FSIP2: variants seen among roughly 807,000 people sequenced by gnomAD.
FSIP2 encodes fibrous sheath-interacting protein 2.
In FSIP2, 367 loss-of-function variants were observed where a neutral mutation model predicts 510.5. The ratio of observed to expected loss-of-function variants is 0.72; its 90% CI spans 0.66 to 0.78. The LOEUF (loss-of-function observed/expected upper bound fraction) is 0.78, where lower values mean the gene tolerates loss of function less well. Ranked by LOEUF, FSIP2 falls within the 30% of genes least tolerant of loss-of-function variation. The probability of loss-of-function intolerance (pLI) is 0.00; values close to 1 mark genes in which losing one functional copy is unlikely to be tolerated. For synonymous variants in FSIP2, 2,601 were observed against 2,732.2 expected (o/e 0.95, Z 1.50); for missense variants, 7,594 against 7,901.7 (o/e 0.96, Z 1.48).
At chr2:185,750,201 A>G (rs1692114632) in intron 7 of FSIP2, among the ~76,000 whole-genome samples, 1 of 151,570 alleles carries the variant, frequency 6.6e-6, no homozygotes, top group Non-Finnish European at 1.5e-5. Flanking sequence ...CCATCTTCAG[A>G]TTTTTGAAAA....
rs370889666 is a variant in FSIP2, at chr2:185,777,625, T to G, written c.1412-5080T>G. On this transcript the variant is annotated intron_variant, in intron 13 of 22. Coordinates refer to ENST00000424728, the MANE Select transcript of FSIP2 (RefSeq NM_173651.4). The stretch of plus-strand genomic sequence containing the variant: ...TTCCTTATTAGTGGTGAATTTTGAC[T>G]TTTTAAAATATAATTTATGTATCTG... Among the ~76,000 whole-genome samples, 50 of 152,284 alleles carry G rather than the reference T, an allele frequency of 3.3e-4. 1 individual carries two copies. In the East Asian group the frequency reaches 9.1e-3, roughly 28 times the overall value.
chr2:185,815,396 A>C lies in FSIP2; in HGVS notation c.20351A>C (p.Glu6784Ala). 1 of 1,519,212 alleles carries C rather than the reference A, an allele frequency of 6.6e-7. No individual in the cohort carries two copies. The highest frequency in any genetic ancestry group is 9.0e-7 in the Non-Finnish European group (1 of 1,106,808). 94.1% of individuals were successfully genotyped at this position (1,519,212 alleles called of 1,614,324 possible). ...CKKEEKNLVT[E>A]PTHYFIHRIM... ...AAAGAAGAAAAGAATCTTGTTACTGAACCAACACATTACTTCATACACAGA... is the reference window on the plus strand; with the variant it reads ...AAAGAAGAAAAGAATCTTGTTACTGCACCAACACATTACTTCATACACAGA... Residue 6784 changes from glutamate (E) to alanine (A), a missense_variant, in exon 19 of 23, where the codon GAA becomes GCA. Transcript: ENST00000424728.
rs745597523 is a variant in FSIP2 at position 185,813,694 on chromosome 2, G to C, written c.19977G>C (p.Glu6659Asp). Residue 6659 changes from glutamate to aspartate, a missense_variant, in exon 18 of 23, where the codon GAG (glutamate) becomes GAC (aspartate). Coordinates refer to ENST00000424728, the MANE Select transcript of FSIP2 (RefSeq NM_173651.4). ...DQVYLENYIK[E>D]ERDSDEDEVV... is the part of the protein sequence containing the mutation. ...TGTATTTGGAAAATTACATAAAAGA[G>C]GAACGAGATTCTGATGAAGATGAAG... 1.2e-6 allele frequency: 2 copies of C among 1,609,878 alleles called. No individual in the cohort carries two copies. Among genetic ancestry groups the C allele is most frequent in the Middle Eastern group, 3.3e-4 (2 of 6,032 alleles).
intron 19 of FSIP2, among the ~76,000 whole-genome samples, chr2:185,823,946 T>A (rs1165595047): frequency 6.6e-6 from 1 of 151,796 alleles, no homozygotes; most frequent in Non-Finnish European, 1.5e-5. Context: ...ATGTATGAAC[T>A]TTGAAAGATG....
At chr2:185,785,183 A>C (rs1199659210) in intron 14 of FSIP2, among the ~76,000 whole-genome samples, 1 of 152,106 alleles carries the variant, frequency 6.6e-6, no homozygotes, top group Non-Finnish European at 1.5e-5. Flanking sequence ...ACCTGTGGAA[A>C]CTTGAGTTGA....
chr2:185,819,163 C>T (rs574894897), intron 19 of FSIP2, among the ~76,000 whole-genome samples: 44 of 151,752 alleles, frequency 2.9e-4, no homozygotes, highest in African/African-American at 1.1e-3. Context: ...TCACATAATC[C>T]TTGTAGTAAG....
Position 185,796,680 on chromosome 2 carries a change from C to G in FSIP2, c.9544C>G (p.Gln3182Glu). The change falls in exon 16 of 23, where the codon CAA becomes GAA. Residue 3182 changes from glutamine (Q) to glutamate (E), a missense_variant. Transcript: ENST00000424728. ...KEGSLGINPS[Q>E]VSKTGFVFCS... ...AGGTAGTTTGGGGATTAATCCTTCA[C>G]AAGTGAGTAAAACTGGGTTTGTGTT... 1.3e-6 allele frequency: 2 copies of G among 1,535,048 alleles called. No homozygotes were observed. The highest frequency in any genetic ancestry group is 1.7e-6 in the Non-Finnish European group (2 of 1,146,256).
At chr2:185,784,121 C>T (rs1467206489) in intron 14 of FSIP2, 1 of 152,098 alleles carries the variant, frequency 6.6e-6, no homozygotes, top group East Asian at 1.9e-4. Flanking sequence ...ATTGCTTAGT[C>T]TTCTTGTTCC....
chr2:185,824,464 T>C lies in FSIP2; in HGVS notation c.20457T>C (p.Ser6819=), dbSNP rs748444473. ...GEAEDCHSDP[S]AKILEESSQE... The stretch of plus-strand genomic sequence containing the variant: ...CTGAAGATTGTCACTCAGACCCAAG[T>C]GCTAAAATATTAGAAGGTTGGACTC... Residue 6819 remains serine, a synonymous_variant, in exon 20 of 23, where the codon AGT becomes AGC. Transcript: ENST00000424728. 6.3e-7 allele frequency: 1 copy of C among 1,587,664 alleles called. No individual in the cohort carries two copies. Among genetic ancestry groups the C allele is most frequent in the Non-Finnish European group, 8.6e-7 (1 of 1,163,962 alleles).
Position 185,793,236 on chromosome 2 carries a change from T to C in FSIP2, c.6100T>C (p.Ser2034Pro), listed in dbSNP as rs1156269596. 6.5e-7 allele frequency: 1 copy of C among 1,534,138 alleles called. No homozygotes were observed. Among genetic ancestry groups the C allele is most frequent in the Admixed American group, 2.0e-5 (1 of 50,836 alleles). Reference protein sequence around the residue: ...NPFLTHDIGISESIASQIVNA... With the variant: ...NPFLTHDIGIPESIASQIVNA... Reference sequence around the variant, plus strand: ...TTTTTTAACTCATGACATTGGGATTTCTGAAAGTATTGCAAGTCAAATTGT... The same window carrying C: ...TTTTTTAACTCATGACATTGGGATTCCTGAAAGTATTGCAAGTCAAATTGT... Residue 2034 changes from serine to proline, a missense_variant, in exon 16 of 23, where the codon TCT (serine) becomes CCT (proline). Physicochemically the swap from Ser to Pro is moderately conservative, Grantham distance 74. Coordinates refer to ENST00000424728, the MANE Select transcript of FSIP2 (RefSeq NM_173651.4).
rs556600410 is a variant in FSIP2 at position 185,803,754 on chromosome 2, T to C, written c.14448T>C (p.Asp4816=). 95 of 1,532,120 alleles carry C rather than the reference T, an allele frequency of 6.2e-5. 3 individuals are homozygous for C. In the Admixed American group the frequency reaches 7.1e-4, roughly 11 times the overall value. The allele number at this position is 1,532,120 out of a possible 1,614,324, so 94.9% of individuals were successfully genotyped here. Residue 4816 remains aspartate, a synonymous_variant, in exon 17 of 23, where the codon GAT becomes GAC. Transcript: ENST00000424728. ...SPLNTSAEQS[D]TTKSDLSNTV... is the part of the protein sequence containing the mutation. ...TGAACACCAGTGCAGAGCAGTCAGA[T>C]ACTACTAAATCAGACTTAAGTAATA...
chr2:185,758,252 A>T (rs896795842), intron 9 of FSIP2, among the ~76,000 whole-genome samples: 2 of 150,954 alleles, frequency 1.3e-5, no homozygotes, highest in African/African-American at 4.9e-5. Context: ...GGTTGTTTCC[A>T]TGTTCGGGTG....
At chr2:185,761,205 T>G in intron 10 of FSIP2, 102 bp downstream of exon 10, 1 of 424,916 alleles carries the variant, frequency 2.4e-6, no homozygotes, top group South Asian at 7.4e-5. Context: ...TACTGATTGT[T>G]TAGGGATACT....
At position 185,788,704 on chromosome 2, in the gene FSIP2, T is replaced by C. The variant is rs930597844; in HGVS notation, c.1568T>C (p.Val523Ala). The C allele has an allele frequency of 5.2e-6, 8 of 1,532,544 alleles. No homozygotes were observed. Among genetic ancestry groups the C allele is most frequent in the Middle Eastern group, 1.7e-4 (1 of 5,976 alleles). The allele number at this position is 1,532,544 out of a possible 1,614,324, so 94.9% of individuals were successfully genotyped here. Residue 523 changes from valine to alanine, a missense_variant, in exon 16 of 23, where the codon GTG becomes GCG. Val to Ala is a moderately conservative substitution (Grantham distance 64). Coordinates refer to ENST00000424728, the MANE Select transcript of FSIP2 (RefSeq NM_173651.4). ...GTAATGACCTGGGTTGTGGCTACAG[T>C]GACCAGTATATTGTACCCAGCCATC... ...QNVMTWVVAT[V>A]TSILYPAITK...
At chr2:185,755,915 A>AT in intron 8 of FSIP2, among the ~76,000 whole-genome samples, 2 of 151,660 alleles carry the variant, frequency 1.3e-5, no homozygotes, top group South Asian at 4.1e-4. Context: ...CAGATGGAAA[A>AT]TGACATGTTT....
chr2:185,794,332 T>C lies in FSIP2; in HGVS notation c.7196T>C (p.Met2399Thr), dbSNP rs1693215831. 2.0e-6 allele frequency: 3 copies of C among 1,517,782 alleles called. No individual in the cohort carries two copies. The highest frequency in any genetic ancestry group is 2.6e-6 in the Non-Finnish European group (3 of 1,139,586). The allele number at this position is 1,517,782 out of a possible 1,614,324, so 94.0% of individuals were successfully genotyped here. ...GAAATTGTTGACAGTATGTTAAAGA[T>C]GTTAGATGATAAAAGATCTGTAAAG... ...VSEIVDSMLKMLDDKRSVKEI... is the reference protein window; with the variant it reads ...VSEIVDSMLKTLDDKRSVKEI... The change falls in exon 16 of 23, where the codon ATG becomes ACG. Residue 2399 changes from methionine to threonine, a missense_variant. By Grantham distance (81) the Met-to-Thr change is moderately conservative (BLOSUM62 -1). Coordinates refer to ENST00000424728, the MANE Select transcript of FSIP2 (RefSeq NM_173651.4).
chr2:185,746,868 G>C (rs1351050332), intron 6 of FSIP2, 58 bp downstream of exon 6: 2 of 1,248,780 alleles, frequency 1.6e-6, no homozygotes, highest in African/African-American at 3.0e-5. Flanking sequence ...TGTTGCATTT[G>C]TAAATAATTT....
At chr2:185,782,849 TCCTC>T in intron 14 of FSIP2, 87 bp downstream of exon 14, 3 of 745,406 alleles carry the variant, frequency 4.0e-6, no homozygotes, top group Non-Finnish European at 6.8e-6. Context: ...TTCCATGGAA[TCCTC>T]CATTTTTATA....
At position 185,752,088 on chromosome 2, in the gene FSIP2, G is replaced by A. The variant is rs1692160094; in HGVS notation, c.871-1634G>A. On this transcript the variant is annotated intron_variant, in intron 7 of 22. Transcript: ENST00000424728. ...TATCATTTTTTTTTCTGTCTGAAGGGCTTTCTTTAACATTGCTCCTAGTAC... is the reference window on the plus strand; with the variant it reads ...TATCATTTTTTTTTCTGTCTGAAGGACTTTCTTTAACATTGCTCCTAGTAC... 2.0e-5 allele frequency among the ~76,000 whole-genome samples: 3 copies of A among 150,528 alleles called. No individual in the cohort carries two copies. In the South Asian group the frequency reaches 6.3e-4, roughly 32 times the overall value.
Sources: gnomAD v4.1 joint callset for allele counts (sites outside exome capture counted in the v4.1 genomes callset) on GRCh38, gnomAD v4.1.1 for gene constraint, MANE v1.5 for transcripts, NCBI Gene and HGNC (gene_info 2026-07-23, HGNC 2026-07-21) for gene names.